SUCLG2: variants seen among roughly 807,000 people sequenced by gnomAD.
The protein encoded by SUCLG2 is succinate-CoA ligase GDP-forming subunit beta.
Under a neutral mutation model 47.9 loss-of-function variants are expected in SUCLG2, and 42 were observed. The ratio of observed to expected loss-of-function variants is 0.88; its 90% CI spans 0.69 to 1.14. The LOEUF is 1.14. Ranked by LOEUF, SUCLG2 falls within the 50% of genes most tolerant of loss-of-function variation. The pLI is 0.00. For synonymous variants in SUCLG2, 195 were observed against 197.3 expected, an observed-to-expected ratio of 0.99 and a Z score of 0.10; for missense variants, 571 against 525.9, an observed-to-expected ratio of 1.09 and a Z score of -0.84.
chr3:67,432,647 C>A (rs1338898638), intron 9 of SUCLG2, among the ~76,000 whole-genome samples: 1 of 152,178 alleles, frequency 6.6e-6, no homozygotes, highest in Non-Finnish European at 1.5e-5. Flanking sequence ...CATAATTACC[C>A]TTCACATTCA....
intron 1 of SUCLG2, among the ~76,000 whole-genome samples, chr3:67,621,326 A>G (rs1338795352): frequency 6.7e-6 from 1 of 149,686 alleles, no homozygotes; most frequent in East Asian, 2.0e-4. Context: ...GGGTTTAAGG[A>G]AAAAAAAAAG....
chr3:67,593,255 T>C (rs190358775), intron 2 of SUCLG2, among the ~76,000 whole-genome samples: 255 of 136,164 alleles, frequency 1.9e-3, no homozygotes, highest in Non-Finnish European at 2.8e-3. Flanking sequence ...GCATATTCAA[T>C]TGGTCTAACA....
downstream of SUCLG2, among the ~76,000 whole-genome samples, chr3:67,372,538 C>A (rs1701969034): frequency 1.3e-5 from 2 of 152,122 alleles, no homozygotes; most frequent in Non-Finnish European, 2.9e-5. Flanking sequence ...TGGTATTATT[C>A]CAATGCACCT....
At chr3:67,469,054 A>G (rs558558450) in intron 9 of SUCLG2, among the ~76,000 whole-genome samples, 141 of 152,350 alleles carry the variant, frequency 9.3e-4, no homozygotes, top group South Asian at 2.5e-3. Flanking sequence ...TGGAGCAGAA[A>G]GAACAGCTCA....
intron 10 of SUCLG2, among the ~76,000 whole-genome samples, chr3:67,382,760 G>C (rs549187496): frequency 2.0e-4 from 30 of 152,164 alleles, no homozygotes; most frequent in Non-Finnish European, 3.5e-4. Context: ...CTGTGGCACA[G>C]ACAGCATGGC....
intron 2 of SUCLG2, among the ~76,000 whole-genome samples, chr3:67,591,344 T>C (rs773766110): frequency 2.0e-5 from 3 of 152,196 alleles, no homozygotes; most frequent in Non-Finnish European, 4.4e-5. Context: ...GAAAACAGAA[T>C]GAGTTTTCAA....
chr3:67,562,059 G>A (rs938309606), intron 2 of SUCLG2, among the ~76,000 whole-genome samples: 5 of 152,174 alleles, frequency 3.3e-5, no homozygotes, highest in Admixed American at 2.6e-4. Flanking sequence ...TTTTTGATGG[G>A]GGAAATGGGA....
At chr3:67,578,254 TAAA>T (rs546270610) in intron 2 of SUCLG2, among the ~76,000 whole-genome samples, 1 of 139,110 alleles carries the variant, frequency 7.2e-6, no homozygotes, top group African/African-American at 3.0e-5. Flanking sequence ...ATATCATATA[TAAA>T]AAAATTTTAT....
intron 9 of SUCLG2, among the ~76,000 whole-genome samples, chr3:67,435,013 C>T (rs561462386): frequency 1.3e-5 from 2 of 152,274 alleles, no homozygotes; most frequent in East Asian, 1.9e-4. Context: ...AAATGAAGTA[C>T]AAAAGACTCA....
At position 67,563,959 on chromosome 3, in the gene SUCLG2, CAAAAAAA is replaced by C. The variant is rs756674869; in HGVS notation, c.227-34780_227-34774del. On this transcript the variant is annotated intron_variant, in intron 2 of 10. Coordinates refer to ENST00000307227, the MANE Select transcript of SUCLG2 (RefSeq NM_003848.4). ...TGGACAACAGAGTGAGACTCTGTCT[CAAAAAAA>C]AAAAAAAAAAAAGAAAAAAGAAAAA... Among the ~76,000 whole-genome samples, 291 of 78,174 alleles carry C rather than the reference CAAAAAAA, an allele frequency of 3.7e-3. 2 individuals are homozygous for C. The highest frequency in any genetic ancestry group is 0.011 in the African/African-American group (236 of 21,960). 51.3% of individuals were successfully genotyped at this position (78,174 alleles called of 152,430 possible).
rs541037303 is a variant in SUCLG2, at chr3:67,539,368, T to C, written c.227-10182A>G. Reference sequence around the variant, plus strand: ...TTATGTGATGGATTATGTTAATTGATTTGTGTATGTTGAACCAGCTTGGCA... The same window carrying C: ...TTATGTGATGGATTATGTTAATTGACTTGTGTATGTTGAACCAGCTTGGCA... On this transcript the variant is annotated intron_variant, in intron 2 of 10. Coordinates refer to ENST00000307227, the MANE Select transcript of SUCLG2 (RefSeq NM_003848.4). Among the ~76,000 whole-genome samples the C allele has an allele frequency of 2.6e-5, 4 of 152,320 alleles. No individual in the cohort carries two copies. The South Asian group carries it at 8.3e-4, about 32-fold the overall frequency.
intron 1 of SUCLG2, among the ~76,000 whole-genome samples, chr3:67,646,098 G>C (rs969522080): frequency 3.4e-5 from 5 of 145,292 alleles, no homozygotes; most frequent in African/African-American, 5.1e-5. Flanking sequence ...GGGCAGGGGA[G>C]GGGAGGGGAG....
At chr3:67,383,269 G>C (rs1217698287) in intron 10 of SUCLG2, among the ~76,000 whole-genome samples, 1 of 152,174 alleles carries the variant, frequency 6.6e-6, no homozygotes, top group Non-Finnish European at 1.5e-5. Flanking sequence ...GCTCCTTACA[G>C]CAACCTTATA....
intron 1 of SUCLG2, among the ~76,000 whole-genome samples, chr3:67,613,879 G>C (rs1023557964): frequency 6.6e-6 from 1 of 152,162 alleles, no homozygotes; most frequent in African/African-American, 2.4e-5. Flanking sequence ...ACTGAGATAA[G>C]AGACAAGTAA....
chr3:67,476,954 TG>T (rs1704777783), intron 9 of SUCLG2, among the ~76,000 whole-genome samples: 1 of 152,170 alleles, frequency 6.6e-6, no homozygotes, highest in East Asian at 1.9e-4. Flanking sequence ...GGAGACGCCA[TG>T]AAAATTTTCT....
chr3:67,531,120 G>A (rs899251606), intron 2 of SUCLG2, among the ~76,000 whole-genome samples: 1 of 152,138 alleles, frequency 6.6e-6, no homozygotes, highest in Non-Finnish European at 1.5e-5. Context: ...ACAGTAAAGT[G>A]CCTGGCACAT....
intron 1 of SUCLG2, among the ~76,000 whole-genome samples, chr3:67,630,763 G>GATACCATCAACAGGAGTTGAA (rs1700911159): frequency 6.6e-6 from 1 of 152,138 alleles, no homozygotes; most frequent in South Asian, 2.1e-4. Flanking sequence ...GTTCCACATG[G>GATACCATCAACAGGAGTTGAA]ATACCATCAA....
intron 4 of SUCLG2, among the ~76,000 whole-genome samples, chr3:67,524,244 T>C (rs1480862820): frequency 6.6e-6 from 1 of 152,236 alleles, no homozygotes; most frequent in Non-Finnish European, 1.5e-5. Context: ...ACACAAAGAA[T>C]ATGTTGACAC....
chr3:67,398,148 A>G (rs2106807640), intron 10 of SUCLG2, among the ~76,000 whole-genome samples: 1 of 150,518 alleles, frequency 6.6e-6, no homozygotes, highest in East Asian at 2.0e-4. Context: ...AGCAATGGCA[A>G]CAAAAGCCAA....
Sources: gnomAD v4.1 joint callset for allele counts (sites outside exome capture counted in the v4.1 genomes callset) on GRCh38, gnomAD v4.1.1 for gene constraint, MANE v1.5 for transcripts, NCBI Gene and HGNC (gene_info 2026-07-23, HGNC 2026-07-21) for gene names.